SPATS2: variants seen among roughly 807,000 people sequenced by gnomAD.
SPATS2 encodes spermatogenesis-associated serine-rich protein 2.
Under a neutral mutation model 63.7 loss-of-function variants are expected in SPATS2, and 38 were observed. The observed-to-expected ratio is 0.60, with a 90% CI of 0.46 to 0.78. The LOEUF (loss-of-function observed/expected upper bound fraction) is 0.78. Ranked by LOEUF, SPATS2 falls within the 30% of genes least tolerant of loss-of-function variation. SPATS2 has a pLI of 0.00. For synonymous variants in SPATS2, 207 were observed against 232.9 expected, an observed-to-expected ratio of 0.89 and a Z score of 1.01; for missense variants, 588 against 666.2, an observed-to-expected ratio of 0.88 and a Z score of 1.29.
At chr12:49,414,696 C>G (rs1944854954) in intron 2 of SPATS2, among the ~76,000 whole-genome samples, 1 of 151,956 alleles carries the variant, frequency 6.6e-6, no homozygotes, top group African/African-American at 2.4e-5. Context: ...CCTTGAACTC[C>G]TTAGCTTGTG....
At chr12:49,498,260 A>G (rs1337217263) in intron 8 of SPATS2, among the ~76,000 whole-genome samples, 2 of 151,520 alleles carry the variant, frequency 1.3e-5, no homozygotes, top group African/African-American at 2.4e-5. Flanking sequence ...TTGGAAATGC[A>G]TATCTTGGCA....
intron 3 of SPATS2, among the ~76,000 whole-genome samples, chr12:49,477,272 G>C (rs1430990548): frequency 6.6e-6 from 1 of 152,152 alleles, no homozygotes; most frequent in Non-Finnish European, 1.5e-5. Flanking sequence ...GGAAAATTCA[G>C]AACTCATTCT....
chr12:49,523,502 T>G (rs997266870), intron 12 of SPATS2, among the ~76,000 whole-genome samples: 3 of 151,526 alleles, frequency 2.0e-5, no homozygotes, highest in Middle Eastern at 3.2e-3. Context: ...CTAAAAAAAT[T>G]AATAAATAGG....
intron 2 of SPATS2, among the ~76,000 whole-genome samples, chr12:49,434,362 G>A (rs550867581): frequency 1.3e-5 from 2 of 152,122 alleles, no homozygotes; most frequent in African/African-American, 2.4e-5. Flanking sequence ...TACATTCACA[G>A]TGTTGTGTAG....
chr12:49,416,020 C>CTTTTTTT (rs774706596), intron 2 of SPATS2, among the ~76,000 whole-genome samples: 1 of 137,240 alleles, frequency 7.3e-6, no homozygotes. Flanking sequence ...AAACATTTTA[C>CTTTTTTT]TTTTTTTTTT....
chr12:49,484,353 G>A (rs1946253918), intron 3 of SPATS2, among the ~76,000 whole-genome samples: 1 of 152,164 alleles, frequency 6.6e-6, no homozygotes, highest in Non-Finnish European at 1.5e-5. Flanking sequence ...GTCTAATATG[G>A]TTGATGTATT....
chr12:49,461,962 T>G (rs1026940422), intron 3 of SPATS2, among the ~76,000 whole-genome samples: 1 of 152,168 alleles, frequency 6.6e-6, no homozygotes, highest in Non-Finnish European at 1.5e-5. Context: ...CAAGTTTGTT[T>G]TTTCTTAGTT....
chr12:49,509,448 T>C (rs934833635), intron 9 of SPATS2, among the ~76,000 whole-genome samples: 5 of 151,890 alleles, frequency 3.3e-5, no homozygotes, highest in Admixed American at 1.3e-4. Flanking sequence ...TTTGTACTTC[T>C]AGTAGAGACA....
intron 2 of SPATS2, among the ~76,000 whole-genome samples, chr12:49,437,864 G>A (rs890805732): frequency 6.6e-6 from 1 of 151,876 alleles, no homozygotes; most frequent in Non-Finnish European, 1.5e-5. Flanking sequence ...GAGGGAGAGG[G>A]AGAGGAGGGA....
At chr12:49,383,167 A>G (rs948543894) in intron 2 of SPATS2, among the ~76,000 whole-genome samples, 1 of 150,184 alleles carries the variant, frequency 6.7e-6, no homozygotes, top group African/African-American at 2.5e-5. Context: ...ACAGGCGCAC[A>G]CCACCATGCC....
At position 49,367,466 on chromosome 12, in the gene SPATS2, A is replaced by T; in HGVS notation, c.-428A>T. On this transcript the variant is annotated 5_prime_UTR_variant, in exon 1 of 14. Transcript: ENST00000552918. ...GAGCTGGGGGAGGAGCGCGGCGGCG[A>T]CGGCGGCGGTGGCTCTAGAAGGGGA... The T allele has an allele frequency of 2.5e-6, 1 of 398,044 alleles. No individual in the cohort carries two copies. Among genetic ancestry groups the T allele is most frequent in the Non-Finnish European group, 4.4e-6 (1 of 226,716 alleles). 24.7% of individuals were successfully genotyped at this position (398,044 alleles called of 1,614,324 possible).
chr12:49,463,035 C>G (rs920743709), intron 3 of SPATS2: 2 of 152,212 alleles, frequency 1.3e-5, no homozygotes, highest in Admixed American at 1.3e-4. Context: ...TTCTCTGCCT[C>G]CTGTCCCCAT....
intron 2 of SPATS2, among the ~76,000 whole-genome samples, chr12:49,436,421 G>A (rs540447951): frequency 7.0e-5 from 10 of 141,880 alleles, no homozygotes; most frequent in African/African-American, 1.6e-4. Flanking sequence ...CCTCCCTCCC[G>A]GAGGGGGCGG....
At chr12:49,490,635 CTGTG>C in intron 5 of SPATS2, 43 bp from the exon 6 acceptor site, 1 of 1,556,068 alleles carries the variant, frequency 6.4e-7, no homozygotes, top group South Asian at 1.1e-5. Context: ...TGCTTGACTA[CTGTG>C]TGTGTGGTAG....
intron 9 of SPATS2, among the ~76,000 whole-genome samples, chr12:49,505,051 A>G (rs930370406): frequency 3.3e-5 from 5 of 150,172 alleles, no homozygotes; most frequent in African/African-American, 9.8e-5. Flanking sequence ...GGTGTGAGCC[A>G]CCTCGCCCAG....
intron 2 of SPATS2, among the ~76,000 whole-genome samples, chr12:49,431,833 G>A (rs1466479601): frequency 2.6e-5 from 4 of 151,940 alleles, no homozygotes. Flanking sequence ...AGCAGTTTGA[G>A]ACCAGCATGA....
intron 2 of SPATS2, among the ~76,000 whole-genome samples, chr12:49,375,670 C>T (rs948596189): frequency 2.5e-4 from 38 of 152,176 alleles, no homozygotes; most frequent in Middle Eastern, 3.2e-3. Flanking sequence ...CTTTGTATAG[C>T]ATGCCTTCAT....
chr12:49,460,985 T>C lies in SPATS2; in HGVS notation c.-28T>C. On this transcript the variant is annotated 5_prime_UTR_variant, in exon 3 of 14. Transcript: ENST00000552918. ...ACAAGGCAAAAGGATACTTTTCTTG[T>C]ATATTTTTTGAGATCGAAGAAACGA... is the stretch of plus-strand genomic sequence containing the variant. 1.2e-6 allele frequency: 2 copies of C among 1,613,454 alleles called. No individual in the cohort carries two copies. Among genetic ancestry groups the C allele is most frequent in the Non-Finnish European group, 1.7e-6 (2 of 1,179,638 alleles).
intron 8 of SPATS2, among the ~76,000 whole-genome samples, chr12:49,498,141 A>ATATATATATATATATATATATATAT (rs1555191148): frequency 1.3e-5 from 1 of 74,360 alleles, no homozygotes; most frequent in African/African-American, 7.9e-5. Context: ...CCAAAAAAAA[A>ATATATATATATATATATATATATAT]AAAAATATAT....
Sources: gnomAD v4.1 joint callset for allele counts (sites outside exome capture counted in the v4.1 genomes callset) on GRCh38, gnomAD v4.1.1 for gene constraint, MANE v1.5 for transcripts, NCBI Gene and HGNC (gene_info 2026-07-23, HGNC 2026-07-21) for gene names.